The following MORN1 variants were observed in gnomAD, a reference collection of about 807,000 sequenced individuals.
MORN1 encodes MORN repeat containing 1, also known as MORN repeat-containing protein 1.
Under a neutral mutation model 61.9 loss-of-function variants are expected in MORN1, and 67 were observed. The ratio of observed to expected loss-of-function variants is 1.08; its 90% confidence interval spans 0.89 to 1.33. MORN1 has a LOEUF of 1.33. Among genes scored for constraint, MORN1 ranks in the 40% most tolerant of loss-of-function variants. MORN1 has a pLI of 0.00. For missense variants in MORN1, 752 were observed against 691.2 expected (o/e 1.09, Z -0.99); for synonymous variants, 301 against 292.0 (o/e 1.03, Z -0.31).
At chr1:2,348,906 C>T (rs1417233150) in intron 10 of MORN1, among the ~76,000 whole-genome samples, 4 of 152,182 alleles carry the variant, frequency 2.6e-5, no homozygotes, top group East Asian at 1.9e-4. Context: ...TGCACACAAA[C>T]GCACAGGTTC....
chr1:2,356,025 C>T (rs1329520921), intron 10 of MORN1, among the ~76,000 whole-genome samples: 1 of 152,192 alleles, frequency 6.6e-6, no homozygotes, highest in Non-Finnish European at 1.5e-5. Flanking sequence ...GCCCCAGGGG[C>T]CTGGAGGGTT....
chr1:2,381,040 G>A lies in MORN1; in HGVS notation c.537+3938C>T, dbSNP rs11580832. Among the ~76,000 whole-genome samples the A allele has an allele frequency of 4.3e-3, 658 of 152,304 alleles. 2 individuals are homozygous for A. Among genetic ancestry groups the A allele is most frequent in the Non-Finnish European group, 6.8e-3 (462 of 68,024 alleles). ...GTGGAGGAGAGGCACTGTGACCGGA[G>A]GGCCCAGCGCTAAGATGCAGAGCAG... On this transcript the variant is annotated intron_variant, in intron 6 of 13. Coordinates refer to ENST00000378531, the MANE Select transcript of MORN1 (RefSeq NM_024848.3).
intron 2 of MORN1, 89 bp downstream of exon 2, chr1:2,389,836 G>T: frequency 8.7e-7 from 1 of 1,147,174 alleles, no homozygotes; most frequent in Non-Finnish European, 1.3e-6. Flanking sequence ...TACAGGAAAT[G>T]CCACTTGCCC....
chr1:2,357,743 G>C lies in MORN1; in HGVS notation c.870-145C>G, dbSNP rs1412447131. The C allele has an allele frequency of 1.1e-6, 1 of 939,372 alleles. No individual in the cohort carries two copies. Among genetic ancestry groups the C allele is most frequent in the East Asian group, 3.1e-5 (1 of 32,538 alleles). 58.2% of individuals were successfully genotyped at this position (939,372 alleles called of 1,614,324 possible). ...ACTCAGCCTCTCTGGGAGGTCTCCTGCTGGGATGGGGCCAGTTGAGGCCCA... is the reference window on the plus strand; with the variant it reads ...ACTCAGCCTCTCTGGGAGGTCTCCTCCTGGGATGGGGCCAGTTGAGGCCCA... On this transcript the variant is annotated intron_variant, in intron 9 of 13. Coordinates refer to ENST00000378531, the MANE Select transcript of MORN1 (RefSeq NM_024848.3). The surrounding 1 kb of genome is among the most constrained non-coding windows in gnomAD (Gnocchi z 6.3).
chr1:2,355,226 G>T, intron 10 of MORN1: 1 of 1,399,010 alleles, frequency 7.1e-7, no homozygotes. Context: ...CCTATGCGGT[G>T]TGGAACTGCT....
chr1:2,354,744 C>T (rs1189750985), intron 10 of MORN1, among the ~76,000 whole-genome samples: 1 of 152,178 alleles, frequency 6.6e-6, no homozygotes, highest in East Asian at 1.9e-4. Flanking sequence ...GTTGCCCTCC[C>T]TTTATGGATG....
intron 12 of MORN1, among the ~76,000 whole-genome samples, chr1:2,335,538 C>T (rs536815433): frequency 1.4e-3 from 212 of 152,304 alleles, no homozygotes; most frequent in African/African-American, 4.6e-3. Context: ...TTGCCCAAGG[C>T]CCCCGGTGCC....
At chr1:2,382,136 C>T (rs978800513) in intron 6 of MORN1, among the ~76,000 whole-genome samples, 5 of 152,198 alleles carry the variant, frequency 3.3e-5, no homozygotes, top group African/African-American at 1.2e-4. Context: ...CAAAGCTGTC[C>T]ATGGTCCTCT....
intron 10 of MORN1, among the ~76,000 whole-genome samples, chr1:2,339,343 G>A (rs1641347032): frequency 6.6e-6 from 1 of 152,186 alleles, no homozygotes; most frequent in Admixed American, 6.5e-5. Flanking sequence ...CCACACGGTG[G>A]GGACTGCCTG....
At chr1:2,360,775 C>T (rs1641876121) in intron 8 of MORN1, among the ~76,000 whole-genome samples, 1 of 152,170 alleles carries the variant, frequency 6.6e-6, no homozygotes, top group South Asian at 2.1e-4. Context: ...GGGACCAGGA[C>T]CTGGGCCTCA....
At chr1:2,373,670 T>C (rs1411875085) in intron 7 of MORN1, among the ~76,000 whole-genome samples, 2 of 152,144 alleles carry the variant, frequency 1.3e-5, no homozygotes, top group African/African-American at 4.8e-5. Flanking sequence ...GGGTGCACTG[T>C]GTGCGTGCGG....
chr1:2,379,359 G>T (rs371698028), intron 6 of MORN1: 3 of 356,420 alleles, frequency 8.4e-6, no homozygotes, highest in Admixed American at 4.0e-5. Flanking sequence ...ACGAACAGCC[G>T]GCGCTGGTTG....
At chr1:2,374,104 C>A (rs575490357) in intron 7 of MORN1, among the ~76,000 whole-genome samples, 1 of 152,118 alleles carries the variant, frequency 6.6e-6, no homozygotes, top group African/African-American at 2.4e-5. Context: ...GGAGGCAGCC[C>A]CCAGAGGAGG....
At chr1:2,326,999 C>T (rs1641039861) in intron 12 of MORN1, among the ~76,000 whole-genome samples, 6 of 149,470 alleles carry the variant, frequency 4.0e-5, no homozygotes, top group Admixed American at 4.0e-4. Context: ...CACAGAGACA[C>T]AGAAACACAC....
intron 8 of MORN1, among the ~76,000 whole-genome samples, chr1:2,366,956 C>CAAAATACATAGA (rs148848309): frequency 1.3e-5 from 2 of 150,968 alleles, no homozygotes; most frequent in African/African-American, 4.9e-5. Flanking sequence ...ATAATATCAA[C>CAAAATACATAGA]AAAATACATA....
intron 10 of MORN1, among the ~76,000 whole-genome samples, chr1:2,346,455 G>A (rs1378033112): frequency 6.6e-6 from 1 of 152,080 alleles, no homozygotes; most frequent in Non-Finnish European, 1.5e-5. Flanking sequence ...GCGCATTCTC[G>A]GCTCACTGCA....
At chr1:2,379,202 T>C in intron 6 of MORN1, 1 of 469,770 alleles carries the variant, frequency 2.1e-6, no homozygotes, top group Admixed American at 2.4e-5. Context: ...CTTGAGTTTC[T>C]CCTACTATAG....
At chr1:2,338,924 C>T (rs899060621) in intron 10 of MORN1, among the ~76,000 whole-genome samples, 1 of 151,922 alleles carries the variant, frequency 6.6e-6, no homozygotes, top group African/African-American at 2.4e-5. Flanking sequence ...GTAAAGGGAG[C>T]CCTCCCTGCG....
At chr1:2,378,834 C>T (rs1642305737) in intron 6 of MORN1, 1 of 433,844 alleles carries the variant, frequency 2.3e-6, no homozygotes, top group Non-Finnish European at 4.6e-6. Context: ...ACGGAGATGG[C>T]TGAGGCGTCA....
Sources: gnomAD v4.1 joint callset for allele counts (sites outside exome capture counted in the v4.1 genomes callset) on GRCh38, gnomAD v4.1.1 for gene constraint, Gnocchi (gnomAD v3.1) non-coding constraint, MANE v1.5 for transcripts, NCBI Gene and HGNC (gene_info 2026-07-23, HGNC 2026-07-21) for gene names.